Variants in RUVBL1 observed in about 807,000 individuals in gnomAD.
RUVBL1 encodes the protein ruvB-like 1.
A neutral mutation model predicts 52.4 loss-of-function variants in RUVBL1; 4 were observed. The observed-to-expected ratio is 0.08, with a 90% confidence interval of 0.04 to 0.17. The LOEUF is 0.17. Among genes scored for constraint, RUVBL1 ranks in the 10% least tolerant of loss-of-function variants. The pLI is 1.00. For synonymous variants in RUVBL1, 217 were observed against 214.4 expected (o/e 1.01, Z -0.10); for missense variants, 298 against 572.8 (o/e 0.52, Z 4.90).
Position 128,068,090 on chromosome 3 carries a change from C to T in RUVBL1, c.940-2870G>A, listed in dbSNP as rs575581842. On this transcript the variant is annotated intron_variant, in intron 9 of 9. Transcript: ENST00000464873. ...TGGTGGCCCCAGGTCCCCAACCTCC[C>T]GTCTGTGGACATGTGTTGTTTCTTT... The T allele has an allele frequency of 2.9e-5, 46 of 1,562,648 alleles. No individual in the cohort carries two copies. In the East Asian group the frequency reaches 7.8e-4, roughly 27 times the overall value.
intron 4 of RUVBL1, among the ~76,000 whole-genome samples, chr3:128,102,472 C>T (rs138919270): frequency 6.6e-6 from 1 of 152,180 alleles, no homozygotes; most frequent in Admixed American, 6.5e-5. Context: ...ACAAGTTTCT[C>T]GAGGTCTTCA....
intron 1 of RUVBL1, among the ~76,000 whole-genome samples, chr3:128,146,550 G>A (rs764346992): frequency 2.0e-5 from 3 of 150,208 alleles, no homozygotes; most frequent in Non-Finnish European, 3.0e-5. Flanking sequence ...GCGTGTGCAC[G>A]GGCATGTGCA....
At chr3:128,112,283 C>A (rs1943411879) in intron 3 of RUVBL1, among the ~76,000 whole-genome samples, 1 of 152,214 alleles carries the variant, frequency 6.6e-6, no homozygotes, top group Non-Finnish European at 1.5e-5. Flanking sequence ...CTAACTGGGT[C>A]CCTAGCAAGT....
intron 1 of RUVBL1, among the ~76,000 whole-genome samples, chr3:128,136,062 A>G (rs140260104): frequency 6.6e-6 from 1 of 152,160 alleles, no homozygotes; most frequent in Non-Finnish European, 1.5e-5. Flanking sequence ...AACTATGCAG[A>G]TGTTATTTGC....
intron 6 of RUVBL1, among the ~76,000 whole-genome samples, chr3:128,099,244 C>T (rs982995197): frequency 6.6e-6 from 1 of 152,202 alleles, no homozygotes; most frequent in Non-Finnish European, 1.5e-5. Flanking sequence ...ACCAGCCCTG[C>T]CCTGGACACC....
In RUVBL1 at chr3:128,081,226, T is replaced by C. The variant is rs552198810; in HGVS notation, c.*24A>G. On this transcript the variant is annotated 3_prime_UTR_variant, in exon 11 of 11. Coordinates refer to ENST00000322623, the MANE Select transcript of RUVBL1 (RefSeq NM_003707.3). The surrounding 1 kb of genome is among the most constrained non-coding windows in gnomAD (Gnocchi z 4.8). ...AGGCCAGGCACACCTGGGGAGTCTC[T>C]TACTGCTGAAAACCTCAGCCATCTC... The C allele has an allele frequency of 7.5e-6, 12 of 1,607,154 alleles. No homozygotes were observed. Among genetic ancestry groups the C allele is most frequent in the Middle Eastern group, 3.4e-4 (2 of 5,908 alleles).
chr3:128,085,336 C>T (rs951139580), intron 9 of RUVBL1, among the ~76,000 whole-genome samples: 4 of 152,206 alleles, frequency 2.6e-5, no homozygotes, highest in African/African-American at 9.6e-5. Flanking sequence ...GTCTCTGGCC[C>T]TGAACACATC....
chr3:128,107,921 AG>A (rs1943284963), intron 3 of RUVBL1, among the ~76,000 whole-genome samples: 1 of 152,214 alleles, frequency 6.6e-6, no homozygotes, highest in African/African-American at 2.4e-5. Context: ...AAATTCCTCA[AG>A]GAGGGGAAGA....
intron 1 of RUVBL1, among the ~76,000 whole-genome samples, chr3:128,145,211 T>G (rs899894119): frequency 6.6e-6 from 1 of 152,162 alleles, no homozygotes; most frequent in Non-Finnish European, 1.5e-5. Flanking sequence ...GACATACCAA[T>G]TCATATAATC....
At chr3:128,139,880 TG>T (rs2107733734) in intron 1 of RUVBL1, among the ~76,000 whole-genome samples, 1 of 152,240 alleles carries the variant, frequency 6.6e-6, no homozygotes, top group South Asian at 2.1e-4. Context: ...TACAAGAGGC[TG>T]GGAAGGGTAG....
rs139406746 is a variant in RUVBL1 at position 128,117,962 on chromosome 3, A to G, written c.228+1366T>C. Among the ~76,000 whole-genome samples the G allele has an allele frequency of 3.3e-5, 5 of 152,372 alleles. No individual in the cohort carries two copies. In the East Asian group the frequency reaches 5.8e-4, roughly 18 times the overall value. ...CATTGAGAGAGAAGTACTGTGAAACAGTACTGAAGAAAATATCTGTCAACT... is the reference window on the plus strand; with the variant it reads ...CATTGAGAGAGAAGTACTGTGAAACGGTACTGAAGAAAATATCTGTCAACT... On this transcript the variant is annotated intron_variant, in intron 2 of 10. Transcript: ENST00000322623.
chr3:128,120,980 CAA>C (rs397737928), intron 1 of RUVBL1, among the ~76,000 whole-genome samples: 6 of 134,428 alleles, frequency 4.5e-5, no homozygotes, highest in African/African-American at 5.4e-5. Flanking sequence ...GACTCCCTCT[CAA>C]AAAAAAAAAA....
At chr3:128,085,165 A>G (rs998834518) in intron 9 of RUVBL1, 1 of 152,280 alleles carries the variant, frequency 6.6e-6, no homozygotes, top group African/African-American at 2.4e-5. Flanking sequence ...ATACAGTAAT[A>G]ACAACAGCAA....
intron 4 of RUVBL1, 114 bp from the exon 5 acceptor site, chr3:128,101,762 C>G (rs1040157151): frequency 1.9e-6 from 2 of 1,056,530 alleles, no homozygotes; most frequent in South Asian, 1.3e-5. Context: ...ATGGAGAAAG[C>G]CTGTTTTGCG....
rs371662990 is a variant in RUVBL1, at chr3:128,117,343, C to A, written c.228+1985G>T. The stretch of plus-strand genomic sequence containing the variant: ...AGCTTGACTCCATGACGTTTGTGGC[C>A]AGATAATTCCTTATTATGGAAACTG... On this transcript the variant is annotated intron_variant, in intron 2 of 10. Transcript: ENST00000322623. Among the ~76,000 whole-genome samples, 4 of 152,302 alleles carry A rather than the reference C, an allele frequency of 2.6e-5. No individual in the cohort carries two copies. In the East Asian group the frequency reaches 5.8e-4, roughly 22 times the overall value.
intron 5 of RUVBL1, among the ~76,000 whole-genome samples, chr3:128,101,221 A>G (rs1304009161): frequency 1.3e-5 from 2 of 152,236 alleles, no homozygotes; most frequent in East Asian, 3.8e-4. Context: ...AAAATACCAA[A>G]GAGATAAAAG....
chr3:128,073,675 T>TG (rs1942233585), intron 9 of RUVBL1, among the ~76,000 whole-genome samples: 1 of 152,156 alleles, frequency 6.6e-6, no homozygotes, highest in Non-Finnish European at 1.5e-5. Flanking sequence ...TTGAGCCTCA[T>TG]GGGGAAATGG....
chr3:128,067,166 T>G lies in RUVBL1; in HGVS notation c.940-1946A>C. 1 of 1,612,012 alleles carries G rather than the reference T, an allele frequency of 6.2e-7. No homozygotes were observed. Among genetic ancestry groups the G allele is most frequent in the Non-Finnish European group, 8.5e-7 (1 of 1,178,018 alleles). ...GCACCTGGTCGGTAAGTAGGCTCTT[T>G]GAAGATGAGCTAGCAATGCAGCTAA... is the stretch of plus-strand genomic sequence containing the variant. On this transcript the variant is annotated intron_variant, in intron 9 of 9. Coordinates refer to the RUVBL1 transcript ENST00000464873. The surrounding 1 kb of genome is among the most constrained non-coding windows in gnomAD (Gnocchi z 4.1).
intron 3 of RUVBL1, among the ~76,000 whole-genome samples, chr3:128,108,304 A>G (rs1943296242): frequency 6.6e-6 from 1 of 152,144 alleles, no homozygotes; most frequent in African/African-American, 2.4e-5. Context: ...CTCTGGTAGG[A>G]TCAAGAAATT....
Sources: allele counts gnomAD v4.1 joint callset (sites outside exome capture counted in the v4.1 genomes callset), GRCh38; gene constraint gnomAD v4.1.1; non-coding constraint Gnocchi (gnomAD v3.1); transcripts MANE v1.5; gene names NCBI Gene and HGNC (gene_info 2026-07-23, HGNC 2026-07-21).